The following NCK2 variants were observed in gnomAD, a reference collection of about 807,000 sequenced individuals.
NCK2 encodes the protein cytoplasmic protein NCK2.
Under a neutral mutation model 33.9 loss-of-function variants are expected in NCK2, and 16 were observed. The ratio of observed to expected loss-of-function variants is 0.47; its 90% CI spans 0.32 to 0.72. The LOEUF (loss-of-function observed/expected upper bound fraction) is 0.72, where lower values mean the gene tolerates loss of function less well. Among genes scored for constraint, NCK2 ranks in the 30% least tolerant of loss-of-function variants. NCK2 has a pLI of 0.03. For synonymous variants in NCK2, 273 were observed against 239.9 expected (o/e 1.14, Z -1.27); for missense variants, 418 against 537.3 (o/e 0.78, Z 2.19).
chr2:105,850,294 G>A (rs529123841), intron 2 of NCK2, among the ~76,000 whole-genome samples: 3 of 152,270 alleles, frequency 2.0e-5, no homozygotes, highest in South Asian at 2.1e-4. Context: ...AGCAAGATAC[G>A]GTTCATAGGA....
At chr2:105,827,838 C>T (rs1676012190) in intron 2 of NCK2, among the ~76,000 whole-genome samples, 1 of 152,116 alleles carries the variant, frequency 6.6e-6, no homozygotes, top group South Asian at 2.1e-4. Flanking sequence ...TGTGACTGTA[C>T]AAGGGATAAT....
At chr2:105,825,784 C>G (rs140072484) in intron 2 of NCK2, among the ~76,000 whole-genome samples, 29 of 152,334 alleles carry the variant, frequency 1.9e-4, no homozygotes, top group Middle Eastern at 6.8e-3. Context: ...AATATACACT[C>G]TGCTCTGTCA....
chr2:105,892,861 AGC>A, intron 4 of NCK2, 119 bp from the exon 5 acceptor site: 1 of 749,504 alleles, frequency 1.3e-6, no homozygotes, highest in Non-Finnish European at 2.1e-6. Context: ...AAAAAAAAAA[AGC>A]AGAGACCCAG....
Position 105,817,009 on chromosome 2 carries a change from A to G in NCK2, c.-17+396A>G, listed in dbSNP as rs188747490. On this transcript the variant is annotated intron_variant, in intron 2 of 4. Coordinates refer to ENST00000233154, the MANE Select transcript of NCK2 (RefSeq NM_003581.5). ...GGATTCCAGCTTTGATGCTGAGAAG[A>G]TAAATCTGTGTCAAAGGATAGCTGG... is the stretch of plus-strand genomic sequence containing the variant. Among the ~76,000 whole-genome samples the G allele has an allele frequency of 7.7e-4, 117 of 152,216 alleles. 1 individual carries two copies. The highest frequency in any genetic ancestry group is 2.1e-4 in the Non-Finnish European group (14 of 68,000).
chr2:105,764,382 A>G (rs1000711445), intron 1 of NCK2, among the ~76,000 whole-genome samples: 2 of 152,172 alleles, frequency 1.3e-5, no homozygotes, highest in African/African-American at 2.4e-5. Flanking sequence ...TGAGCTCCAC[A>G]TGTTTATCGC....
chr2:105,835,753 C>T (rs904117832), intron 2 of NCK2, among the ~76,000 whole-genome samples: 22 of 151,984 alleles, frequency 1.4e-4, no homozygotes, highest in African/African-American at 5.3e-4. Context: ...ATTTAGAAAT[C>T]CCAAAATATG....
chr2:105,820,727 C>T (rs561041803), intron 2 of NCK2, among the ~76,000 whole-genome samples: 3 of 152,266 alleles, frequency 2.0e-5, no homozygotes, highest in South Asian at 2.1e-4. Flanking sequence ...TTACTAGGGA[C>T]GGAAGATGCA....
At chr2:105,809,551 T>C (rs533526161) in intron 1 of NCK2, among the ~76,000 whole-genome samples, 2 of 152,192 alleles carry the variant, frequency 1.3e-5, no homozygotes, top group African/African-American at 2.4e-5. Flanking sequence ...TTAGGGTCCC[T>C]GATTCATTTT....
chr2:105,855,408 T>C (rs2104584559), intron 3 of NCK2, 119 bp downstream of exon 3: 1 of 725,450 alleles, frequency 1.4e-6, no homozygotes, highest in Middle Eastern at 3.5e-4. Flanking sequence ...AATATCTTCC[T>C]AGTTGTCTTT....
intron 1 of NCK2, among the ~76,000 whole-genome samples, chr2:105,805,723 C>T (rs1222180761): frequency 6.6e-6 from 1 of 152,128 alleles, no homozygotes; most frequent in Non-Finnish European, 1.5e-5. Flanking sequence ...TGGCTTACTT[C>T]AGTTAGCATG....
intron 1 of NCK2, among the ~76,000 whole-genome samples, chr2:105,784,804 A>G (rs1319788413): frequency 1.3e-5 from 2 of 152,178 alleles, no homozygotes; most frequent in East Asian, 1.9e-4. Context: ...TCCCATTTCA[A>G]CATTCTTAGA....
chr2:105,845,545 C>G (rs1301458049), intron 2 of NCK2, among the ~76,000 whole-genome samples: 1 of 151,952 alleles, frequency 6.6e-6, no homozygotes, highest in African/African-American at 2.4e-5. Context: ...AGGCATGTAC[C>G]AGCATGCCCG....
At chr2:105,788,731 T>G (rs1222760532) in intron 1 of NCK2, among the ~76,000 whole-genome samples, 12 of 152,162 alleles carry the variant, frequency 7.9e-5, no homozygotes, top group Admixed American at 7.9e-4. Flanking sequence ...GCATAATTTT[T>G]TTTGTTTGTT....
intron 1 of NCK2, among the ~76,000 whole-genome samples, chr2:105,757,436 G>T (rs931102778): frequency 2.0e-5 from 3 of 152,170 alleles, no homozygotes; most frequent in African/African-American, 7.2e-5. Flanking sequence ...TTCTCTGAGT[G>T]TAGTTAGGAG....
chr2:105,892,153 T>C (rs1032045682), intron 4 of NCK2, among the ~76,000 whole-genome samples: 6 of 151,538 alleles, frequency 4.0e-5, no homozygotes, highest in Admixed American at 3.3e-4. Flanking sequence ...CATTGCACTC[T>C]AGCCTGGGCA....
chr2:105,855,263 T>G lies in NCK2; in HGVS notation c.200T>G (p.Leu67Arg). The G allele has an allele frequency of 6.2e-7, 1 of 1,609,806 alleles. No homozygotes were observed. ...ERKNSLKKGS[L>R]VKNLKDTLGL... ...AAGAACAGCCTGAAGAAGGGCTCCC[T>G]CGTGAAGAACCTGAAGGACACACTA... The change falls in exon 3 of 5, where the codon CTC becomes CGC. Residue 67 changes from leucine to arginine, a missense_variant. Leu to Arg is a moderately radical substitution (Grantham distance 102). Coordinates refer to ENST00000233154, the MANE Select transcript of NCK2 (RefSeq NM_003581.5).
intron 2 of NCK2, among the ~76,000 whole-genome samples, chr2:105,836,168 A>T: frequency 1.4e-5 from 2 of 147,436 alleles, no homozygotes; most frequent in African/African-American, 2.6e-5. Flanking sequence ...TGGAGGTTTT[A>T]TTGTTTCCTT....
At chr2:105,756,164 C>T (rs1689593977) in intron 1 of NCK2, among the ~76,000 whole-genome samples, 1 of 152,186 alleles carries the variant, frequency 6.6e-6, no homozygotes, top group Non-Finnish European at 1.5e-5. Context: ...GTTAGAAGTT[C>T]CCTTGGTCTT....
chr2:105,831,891 A>G (rs571667291), intron 2 of NCK2, among the ~76,000 whole-genome samples: 16 of 152,286 alleles, frequency 1.1e-4, no homozygotes, highest in African/African-American at 3.8e-4. Flanking sequence ...TTGTGGTTGC[A>G]TACAAATTTT....
Sources: allele counts gnomAD v4.1 joint callset (sites outside exome capture counted in the v4.1 genomes callset), GRCh38; gene constraint gnomAD v4.1.1; transcripts MANE v1.5; gene names NCBI Gene and HGNC (gene_info 2026-07-23, HGNC 2026-07-21).